The following XRCC1 variants were observed in gnomAD, a reference collection of about 807,000 sequenced individuals.
XRCC1 encodes DNA repair protein XRCC1.
Under a neutral mutation model 83.3 loss-of-function variants are expected in XRCC1, and 52 were observed. That is an observed-to-expected ratio of 0.62 (90% CI 0.50 to 0.79). XRCC1 has a LOEUF of 0.79. Ranked by LOEUF, XRCC1 falls within the 30% of genes least tolerant of loss-of-function variation. The probability of loss-of-function intolerance (pLI) is 0.00; values close to 1 mark genes in which losing one functional copy is unlikely to be tolerated. For missense variants in XRCC1, 793 were observed against 823.5 expected (o/e 0.96, Z 0.45); for synonymous variants, 281 against 312.6 (o/e 0.90, Z 1.07).
At position 43,553,551 on chromosome 19, in the gene XRCC1, G is replaced by C. The variant is rs368315388; in HGVS notation, c.490-39C>G. On this transcript the variant is annotated intron_variant, in intron 5 of 16. Transcript: ENST00000262887. ...AGGTCAGTATTATAGGTGGGCTGCT[G>C]GCAGGTGGGGGTGGAGAGGCAGGGA... The C allele has an allele frequency of 2.5e-6, 4 of 1,613,238 alleles. No homozygotes were observed. In the African/African-American group the frequency reaches 5.3e-5, roughly 22 times the overall value.
At chr19:43,561,653 G>T (rs1193427354) in intron 2 of XRCC1, among the ~76,000 whole-genome samples, 1 of 152,244 alleles carries the variant, frequency 6.6e-6, no homozygotes, top group Non-Finnish European at 1.5e-5. Flanking sequence ...GGTATTATTA[G>T]TCAGTGCTAG....
chr19:43,549,848 T>G (rs1369333640), intron 10 of XRCC1, among the ~76,000 whole-genome samples: 1 of 152,206 alleles, frequency 6.6e-6, no homozygotes, highest in Non-Finnish European at 1.5e-5. Flanking sequence ...TGTGAATTCT[T>G]TTTGTTAAGA....
intron 12 of XRCC1, 44 bp downstream of exon 12, chr19:43,546,551 A>C: frequency 6.4e-7 from 1 of 1,569,486 alleles, no homozygotes; most frequent in South Asian, 1.2e-5. Context: ...CCTCCCTCAG[A>C]CTCAGGAGCC....
At chr19:43,569,408 C>T (rs908281275) in intron 2 of XRCC1, among the ~76,000 whole-genome samples, 9 of 149,300 alleles carry the variant, frequency 6.0e-5, no homozygotes, top group African/African-American at 9.9e-5. Context: ...CCCGGGAGGT[C>T]GAGCCTGTAG....
chr19:43,575,076 T>C, intron 1 of XRCC1, 74 bp from the exon 2 acceptor site: 1 of 1,275,172 alleles, frequency 7.8e-7, no homozygotes, highest in Non-Finnish European at 1.1e-6. Context: ...AGATGATTCC[T>C]TTGAGTCCTC....
intron 3 of XRCC1, among the ~76,000 whole-genome samples, chr19:43,560,399 CAA>C (rs956887234): frequency 7.0e-5 from 7 of 99,418 alleles, no homozygotes; most frequent in Admixed American, 1.1e-4. Context: ...GACTCCGTCT[CAA>C]AAAAAAAAAA....
intron 3 of XRCC1, among the ~76,000 whole-genome samples, chr19:43,556,400 T>C (rs546092753): frequency 1.3e-5 from 2 of 152,282 alleles, no homozygotes; most frequent in East Asian, 1.9e-4. Context: ...TGGCCTTAGC[T>C]TGGGGGGACA....
intron 14 of XRCC1, 102 bp from the exon 15 acceptor site, chr19:43,544,336 C>A (rs1286887103): frequency 3.0e-6 from 3 of 998,886 alleles, no homozygotes; most frequent in Non-Finnish European, 4.5e-6. Context: ...AGAGGGCTGT[C>A]CACATGTGGG....
At chr19:43,566,034 A>G (rs3213295) in intron 2 of XRCC1, among the ~76,000 whole-genome samples, 120,646 of 151,904 alleles carry the variant, frequency 0.79, 47,993 homozygotes, top group East Asian at 0.88. Context: ...CCAGGAGTTC[A>G]AGACCAGCAT....
chr19:43,572,788 C>T (rs1222837044), intron 2 of XRCC1, among the ~76,000 whole-genome samples: 1 of 152,142 alleles, frequency 6.6e-6, no homozygotes, highest in Non-Finnish European at 1.5e-5. Context: ...GCACTAAACA[C>T]TGACATCAAT....
rs769551872 is a variant in XRCC1, at chr19:43,552,006, C to T, written c.1082+11G>A. The T allele has an allele frequency of 2.5e-6, 4 of 1,612,606 alleles. No homozygotes were observed. The highest frequency in any genetic ancestry group is 1.7e-5 in the Admixed American group (1 of 59,954). On this transcript the variant is annotated intron_variant, in intron 9 of 16. Transcript: ENST00000262887. ...AACTGCAGCGGCGCAGGGAGGGGGG[C>T]GCAAGCCTACATGAGGTGCGTGCTG...
In XRCC1 at chr19:43,553,613, G is replaced by A; in HGVS notation, c.485C>T (p.Ser162Phe). Residue 162 changes from serine to phenylalanine, a missense_variant, in exon 5 of 17, where the codon TCC becomes TTC. Physicochemically the swap from Ser to Phe is radical, Grantham distance 155. Coordinates refer to ENST00000262887, the MANE Select transcript of XRCC1 (RefSeq NM_006297.3). The part of the protein sequence containing the change: ...PPDKDEAEAP[S>F]QKVTVTKLGQ... ...GGAGTGACAGGTACAGCTTACCTGG[G>A]ACGGGGCCTCTGCCTCATCTTTGTC... The A allele has an allele frequency of 3.1e-6, 5 of 1,596,718 alleles. No individual in the cohort carries two copies. The highest frequency in any genetic ancestry group is 4.3e-6 in the Non-Finnish European group (5 of 1,167,148).
chr19:43,568,066 G>C (rs1972770851), intron 2 of XRCC1, among the ~76,000 whole-genome samples: 1 of 151,274 alleles, frequency 6.6e-6, no homozygotes, highest in Non-Finnish European at 1.5e-5. Flanking sequence ...GTAGAGACAG[G>C]GTTCCACCAT....
intron 10 of XRCC1, among the ~76,000 whole-genome samples, chr19:43,550,456 G>A (rs973747227): frequency 6.6e-6 from 1 of 152,158 alleles, no homozygotes; most frequent in Non-Finnish European, 1.5e-5. Flanking sequence ...CCTGGGCTCC[G>A]GAAGCCCCTT....
At chr19:43,553,138 G>A in intron 6 of XRCC1, 47 bp from the exon 7 acceptor site, 1 of 1,525,430 alleles carries the variant, frequency 6.6e-7, no homozygotes. Flanking sequence ...TGAGCCCCAA[G>A]ACCCTTTCAC....
chr19:43,556,546 G>A (rs1293288911), intron 3 of XRCC1, among the ~76,000 whole-genome samples: 2 of 152,230 alleles, frequency 1.3e-5, no homozygotes, highest in Non-Finnish European at 2.9e-5. Flanking sequence ...GCTCACGCCT[G>A]TAATCCCAGC....
chr19:43,555,406 A>G (rs1403062487), intron 3 of XRCC1: 1 of 152,176 alleles, frequency 6.6e-6, no homozygotes, highest in Non-Finnish European at 1.5e-5. Context: ...AGGAGGGAGG[A>G]AGGACCAGCT....
In XRCC1 at chr19:43,546,234, T is replaced by TG. The variant is rs1218383818; in HGVS notation, c.1427-129dup. 1.9e-5 allele frequency: 20 copies of TG among 1,074,962 alleles called. No individual in the cohort carries two copies. The Admixed American group carries it at 4.0e-4, about 21-fold the overall frequency. The allele number at this position is 1,074,962 out of a possible 1,614,324, so 66.6% of individuals were successfully genotyped here. A position where few individuals can be genotyped will look rare whatever the true frequency, so the allele number is the denominator to read the frequency against. ...CAACTGCCCTCCAGATCCAGTCGTC[T>TG]GGGCCCCCAGCCCCTCCTCCCTCTG... On this transcript the variant is annotated intron_variant, in intron 12 of 16. Coordinates refer to ENST00000262887, the MANE Select transcript of XRCC1 (RefSeq NM_006297.3).
Position 43,574,893 on chromosome 19 carries a change from T to A in XRCC1, c.144+17A>T. Reference sequence around the variant, plus strand: ...CTCCAGACTCCTAGTGAGGAGGAGGTGGGGTGGCAGGATCACCTGTAGGAC... The same window carrying A: ...CTCCAGACTCCTAGTGAGGAGGAGGAGGGGTGGCAGGATCACCTGTAGGAC... On this transcript the variant is annotated intron_variant, in intron 2 of 16. Coordinates refer to ENST00000262887, the MANE Select transcript of XRCC1 (RefSeq NM_006297.3). 3.7e-6 allele frequency: 6 copies of A among 1,605,958 alleles called. No homozygotes were observed. The highest frequency in any genetic ancestry group is 5.1e-6 in the Non-Finnish European group (6 of 1,173,006).
Sources: gnomAD v4.1 joint callset for allele counts (sites outside exome capture counted in the v4.1 genomes callset) on GRCh38, gnomAD v4.1.1 for gene constraint, MANE v1.5 for transcripts, NCBI Gene and HGNC (gene_info 2026-07-23, HGNC 2026-07-21) for gene names.